Variants in PRORP observed in about 807,000 individuals in gnomAD.
The protein encoded by PRORP is protein only RNase P catalytic subunit, also known as mitochondrial ribonuclease P catalytic subunit.
PRORP carries 51 observed loss-of-function variants against 59.4 expected under a neutral mutation model. That is an observed-to-expected ratio of 0.86 (90% CI 0.69 to 1.08). PRORP has a LOEUF of 1.08. Among genes scored for constraint, PRORP ranks in the 50% least tolerant of loss-of-function variants. PRORP has a pLI of 0.00. For synonymous variants in PRORP, 231 were observed against 245.6 expected (o/e 0.94, Z 0.55); for missense variants, 646 against 690.3 (o/e 0.94, Z 0.72).
At chr14:35,257,026 C>G (rs529053084) in intron 5 of PRORP, among the ~76,000 whole-genome samples, 1 of 152,146 alleles carries the variant, frequency 6.6e-6, no homozygotes. Flanking sequence ...GCGCTTGCCA[C>G]CATACCCAGC....
At chr14:35,222,988 AT>A (rs944559561) in intron 5 of PRORP, among the ~76,000 whole-genome samples, 1 of 152,142 alleles carries the variant, frequency 6.6e-6, no homozygotes, top group Non-Finnish European at 1.5e-5. Flanking sequence ...AGAATTACCT[AT>A]CCTACCTCTG....
At chr14:35,210,026 C>T (rs2049398537) in intron 5 of PRORP, among the ~76,000 whole-genome samples, 1 of 152,156 alleles carries the variant, frequency 6.6e-6, no homozygotes, top group Admixed American at 6.6e-5. Context: ...ATAAAAAACA[C>T]ATGCTGGTGT....
chr14:35,166,512 T>C (rs1018298079), intron 4 of PRORP, among the ~76,000 whole-genome samples: 1 of 147,836 alleles, frequency 6.8e-6, no homozygotes, highest in Non-Finnish European at 1.5e-5. Flanking sequence ...TGCAGTGGTG[T>C]AATCTAGGCT....
At chr14:35,154,865 T>G (rs1241986094) in intron 4 of PRORP, among the ~76,000 whole-genome samples, 2 of 152,338 alleles carry the variant, frequency 1.3e-5, no homozygotes, top group East Asian at 3.9e-4. Flanking sequence ...TTTTGTTGAT[T>G]TTTATTTAGG....
chr14:35,250,245 A>T (rs573917073), intron 5 of PRORP, among the ~76,000 whole-genome samples: 1 of 151,048 alleles, frequency 6.6e-6, no homozygotes, highest in African/African-American at 2.4e-5. Flanking sequence ...AAAAAAAAAG[A>T]AAAAAAAAGA....
intron 5 of PRORP, among the ~76,000 whole-genome samples, chr14:35,239,378 A>G (rs2050303567): frequency 6.6e-6 from 1 of 151,922 alleles, no homozygotes; most frequent in Admixed American, 6.6e-5. Context: ...AAACTACACT[A>G]AATCCACTTC....
intron 5 of PRORP, among the ~76,000 whole-genome samples, chr14:35,236,797 G>A (rs2050225437): frequency 6.6e-6 from 1 of 151,776 alleles, no homozygotes; most frequent in South Asian, 2.1e-4. Context: ...ACTAAATACT[G>A]TATGTCCAAA....
chr14:35,220,387 T>G (rs1289617704), intron 5 of PRORP, among the ~76,000 whole-genome samples: 1 of 152,232 alleles, frequency 6.6e-6, no homozygotes, highest in Non-Finnish European at 1.5e-5. Flanking sequence ...AGATCTCTCC[T>G]GCACAGTTAA....
At chr14:35,231,654 A>T (rs1228143920) in intron 5 of PRORP, among the ~76,000 whole-genome samples, 1 of 152,222 alleles carries the variant, frequency 6.6e-6, no homozygotes, top group Admixed American at 6.5e-5. Flanking sequence ...AGTAGGACAG[A>T]TAGAGGCGCC....
At chr14:35,209,483 A>G (rs1305172093) in intron 5 of PRORP, among the ~76,000 whole-genome samples, 2 of 152,126 alleles carry the variant, frequency 1.3e-5, no homozygotes, top group Non-Finnish European at 2.9e-5. Context: ...GGTCGGTTTT[A>G]ATTTTAGTTT....
At position 35,223,180 on chromosome 14, in the gene PRORP, T is replaced by A. The variant is rs748422538; in HGVS notation, c.1275+42403T>A. Reference sequence around the variant, plus strand: ...GTTCTCTTTGTTGTTTTCTCCACTTTCTGAGAAATGAAATTGTCAATGTGG... The same window carrying A: ...GTTCTCTTTGTTGTTTTCTCCACTTACTGAGAAATGAAATTGTCAATGTGG... On this transcript the variant is annotated intron_variant, in intron 5 of 7. Coordinates refer to ENST00000534898, the MANE Select transcript of PRORP (RefSeq NM_014672.4). Among the ~76,000 whole-genome samples the A allele has an allele frequency of 4.6e-5, 7 of 152,130 alleles. No individual in the cohort carries two copies. The East Asian group carries it at 1.2e-3, about 25-fold the overall frequency.
chr14:35,148,980 G>A (rs2047677245), intron 4 of PRORP, among the ~76,000 whole-genome samples: 1 of 140,530 alleles, frequency 7.1e-6, no homozygotes, highest in East Asian at 2.1e-4. Flanking sequence ...GTGCAGTGGC[G>A]CAATCTCGGC....
intron 4 of PRORP, among the ~76,000 whole-genome samples, chr14:35,152,413 A>G (rs1469657760): frequency 6.6e-6 from 1 of 152,126 alleles, no homozygotes; most frequent in African/African-American, 2.4e-5. Context: ...AACCGCCATC[A>G]TCATCATGGC....
chr14:35,164,190 G>A (rs1302609903), intron 4 of PRORP, among the ~76,000 whole-genome samples: 2 of 152,252 alleles, frequency 1.3e-5, no homozygotes, highest in East Asian at 3.9e-4. Flanking sequence ...CACTGTTGAT[G>A]GGATGTAAAT....
At position 35,133,656 on chromosome 14, in the gene PRORP, A is replaced by G. The variant is rs78281212; in HGVS notation, c.1167+6045A>G. 2.3e-3 allele frequency among the ~76,000 whole-genome samples: 346 copies of G among 152,244 alleles called. 5 individuals carry two copies. The highest frequency in any genetic ancestry group is 8.0e-3 in the African/African-American group (332 of 41,546). On this transcript the variant is annotated intron_variant, in intron 4 of 7. Coordinates refer to ENST00000534898, the MANE Select transcript of PRORP (RefSeq NM_014672.4). ...TCCTTCCTGAGAAGGCTTTCCAGATACTTAAAAGGACTTGGGTGTTGTGAT... is the reference window on the plus strand; with the variant it reads ...TCCTTCCTGAGAAGGCTTTCCAGATGCTTAAAAGGACTTGGGTGTTGTGAT...
At chr14:35,172,954 A>G (rs1339602290) in intron 4 of PRORP, among the ~76,000 whole-genome samples, 1 of 149,684 alleles carries the variant, frequency 6.7e-6, no homozygotes, top group Non-Finnish European at 1.5e-5. Context: ...TGCAACCTTC[A>G]CTTCCCAAGA....
At position 35,124,076 on chromosome 14, in the gene PRORP, T is replaced by C. The variant is rs754271954; in HGVS notation, c.831T>C (p.Pro277=). The part of the protein sequence containing the change: ...YQELLGHDIV[P]MLETLKAFFD... ...AATTGCTAGGTCATGATATTGTTCC[T>C]ATGTTGGAAACTTTAAAAGCTTTCT... The change falls in exon 2 of 8, where the codon CCT becomes CCC. Residue 277 remains proline (P), a synonymous_variant. Coordinates refer to ENST00000534898, the MANE Select transcript of PRORP (RefSeq NM_014672.4). The C allele has an allele frequency of 6.2e-7, 1 of 1,613,952 alleles. No individual in the cohort carries two copies. The highest frequency in any genetic ancestry group is 8.5e-7 in the Non-Finnish European group (1 of 1,179,938).
intron 5 of PRORP, among the ~76,000 whole-genome samples, chr14:35,237,813 C>T (rs532237327): frequency 2.0e-5 from 3 of 150,806 alleles, no homozygotes; most frequent in Admixed American, 6.6e-5. Flanking sequence ...CCACCAAGCC[C>T]GGCTAATTTT....
intron 5 of PRORP, among the ~76,000 whole-genome samples, chr14:35,234,658 C>T (rs879860623): frequency 6.7e-6 from 1 of 149,246 alleles, no homozygotes; most frequent in Non-Finnish European, 1.5e-5. Context: ...CCTTTCTTTC[C>T]TCTTTCAACT....
Sources: gnomAD v4.1 joint callset for allele counts (sites outside exome capture counted in the v4.1 genomes callset) on GRCh38, gnomAD v4.1.1 for gene constraint, MANE v1.5 for transcripts, NCBI Gene and HGNC (gene_info 2026-07-23, HGNC 2026-07-21) for gene names.